The following TUT4 variants were observed in gnomAD, a reference collection of about 807,000 sequenced individuals.
TUT4 encodes terminal uridylyltransferase 4.
A neutral mutation model predicts 192.2 loss-of-function variants in TUT4; 36 were observed. That is an observed-to-expected ratio of 0.19 (90% CI 0.14 to 0.25). The LOEUF is 0.25. Ranked by LOEUF, TUT4 falls within the 10% of genes least tolerant of loss-of-function variation. The pLI, the probability that TUT4 is intolerant of heterozygous loss-of-function variation, is 1.00. For synonymous variants in TUT4, 618 were observed against 666.0 expected, an observed-to-expected ratio of 0.93 and a Z score of 1.11; for missense variants, 1,493 against 1,957.2, an observed-to-expected ratio of 0.76 and a Z score of 4.47.
At chr1:52,518,986 T>C (rs1395476067) in intron 2 of TUT4, among the ~76,000 whole-genome samples, 1 of 152,162 alleles carries the variant, frequency 6.6e-6, no homozygotes, top group African/African-American at 2.4e-5. Context: ...AACTTAAATA[T>C]AGAGTTAGCA....
At chr1:52,545,030 C>G (rs1393578884) in intron 1 of TUT4, among the ~76,000 whole-genome samples, 1 of 147,742 alleles carries the variant, frequency 6.8e-6, no homozygotes, top group East Asian at 2.0e-4. Flanking sequence ...GCACCCCAGC[C>G]TAGGGGACAG....
chr1:52,542,124 G>A (rs767001118), intron 1 of TUT4, among the ~76,000 whole-genome samples: 5 of 152,150 alleles, frequency 3.3e-5, no homozygotes, highest in Non-Finnish European at 7.4e-5. Context: ...CTACTGATAC[G>A]CAGTACCTAC....
intron 27 of TUT4, chr1:52,433,074 T>C (rs544016395): frequency 5.3e-5 from 8 of 152,208 alleles, no homozygotes; most frequent in Admixed American, 1.3e-4. Flanking sequence ...GGCTGTGAGA[T>C]ACTTTTTTTT....
At chr1:52,508,558 C>T (rs1676260848) in intron 4 of TUT4, among the ~76,000 whole-genome samples, 1 of 152,034 alleles carries the variant, frequency 6.6e-6, no homozygotes, top group African/African-American at 2.4e-5. Flanking sequence ...CTAAATATGC[C>T]TTCTAGAACA....
chr1:52,460,390 G>C (rs1325632150), intron 19 of TUT4, among the ~76,000 whole-genome samples: 1 of 152,090 alleles, frequency 6.6e-6, no homozygotes, highest in East Asian at 1.9e-4. Flanking sequence ...GCTGAGGCAG[G>C]AGAATCGCTT....
rs75384089 is a variant in TUT4, at chr1:52,506,637, C to T, written c.999+2959G>A. 5.5e-4 allele frequency among the ~76,000 whole-genome samples: 83 copies of T among 152,208 alleles called. No homozygotes were observed. The East Asian group carries it at 0.016, about 29-fold the overall frequency. On this transcript the variant is annotated intron_variant, in intron 4 of 29. Coordinates refer to ENST00000257177, the MANE Select transcript of TUT4 (RefSeq NM_001009881.3). Reference sequence around the variant, plus strand: ...TTTTAATCTTAGATGTCGTAGTTTTCGTTTCTAATAGTCCTGTTCATATCT... The same window carrying T: ...TTTTAATCTTAGATGTCGTAGTTTTTGTTTCTAATAGTCCTGTTCATATCT...
At chr1:52,475,665 A>C in intron 12 of TUT4, 130 bp from the exon 13 acceptor site, 1 of 803,552 alleles carries the variant, frequency 1.2e-6, no homozygotes. Context: ...TCTAAGCTAG[A>C]CTCCCAGTGA....
Position 52,526,311 on chromosome 1 carries a change from A to G in TUT4, c.-31T>C, listed in dbSNP as rs57766167. On this transcript the variant is annotated 5_prime_UTR_variant, in exon 2 of 30. Transcript: ENST00000257177. ...GAAAATCTGTTTCTTTCCAATTGTG[A>G]TATTATAAAATGGCAGATCTCCAGT... 77,220 of 1,443,606 alleles carry G rather than the reference A, an allele frequency of 0.053. 2,312 individuals carry two copies. Among genetic ancestry groups the G allele is most frequent in the South Asian group, 0.092 (5,549 of 60,636 alleles). The allele number at this position is 1,443,606 out of a possible 1,614,324, so 89.4% of individuals were successfully genotyped here.
intron 4 of TUT4, among the ~76,000 whole-genome samples, chr1:52,501,871 C>T (rs1459305089): frequency 1.3e-5 from 2 of 151,984 alleles, no homozygotes; most frequent in African/African-American, 2.4e-5. Flanking sequence ...ATGTATGATT[C>T]CATTTATATG....
intron 25 of TUT4, 194 bp from the exon 26 acceptor site, chr1:52,437,172 AATATT>A (rs1654042985): frequency 8.2e-6 from 5 of 611,158 alleles, no homozygotes; most frequent in Non-Finnish European, 1.3e-5. Flanking sequence ...TTTGTAAAAC[AATATT>A]ATATTAAATT....
intron 1 of TUT4, among the ~76,000 whole-genome samples, chr1:52,542,863 G>A (rs1211264557): frequency 6.6e-6 from 1 of 151,978 alleles, no homozygotes; most frequent in African/African-American, 2.4e-5. Flanking sequence ...CCAGGTTCAA[G>A]CGATTCTCCT....
intron 9 of TUT4, 121 bp from the exon 10 acceptor site, chr1:52,482,044 G>A: frequency 4.1e-6 from 3 of 731,020 alleles, no homozygotes; most frequent in Non-Finnish European, 3.9e-6. Flanking sequence ...AAAAATATAA[G>A]GAATAACTTG....
At chr1:52,469,751 G>A (rs184384206) in intron 14 of TUT4, among the ~76,000 whole-genome samples, 3,330 of 152,004 alleles carry the variant, frequency 0.022, 106 homozygotes, top group African/African-American at 0.075. Context: ...TTAGCCGGGC[G>A]TGATGGCACG....
chr1:52,530,289 G>GTGTTATGTGTTATGAAAAAGACTGT (rs1683026067), intron 1 of TUT4, among the ~76,000 whole-genome samples: 1 of 150,592 alleles, frequency 6.6e-6, no homozygotes, highest in African/African-American at 2.4e-5. Flanking sequence ...ATTGCTAATA[G>GTGTTATGTGTTATGAAAAAGACTGT]GAATATGTGT....
chr1:52,479,766 G>A (rs1281829220), intron 11 of TUT4, among the ~76,000 whole-genome samples: 2 of 151,984 alleles, frequency 1.3e-5, no homozygotes, highest in Middle Eastern at 3.2e-3. Context: ...AGGCTGAGGC[G>A]GGTGGATCAC....
At position 52,452,600 on chromosome 1, in the gene TUT4, GT is replaced by G. The variant is rs543865163; in HGVS notation, c.3435+5735del. Among the ~76,000 whole-genome samples, 39 of 152,256 alleles carry G rather than the reference GT, an allele frequency of 2.6e-4. 2 individuals carry two copies. In the South Asian group the frequency reaches 6.8e-3, roughly 27 times the overall value. On this transcript the variant is annotated intron_variant, in intron 20 of 29. Transcript: ENST00000257177. Reference sequence around the variant, plus strand: ...ATGAAGCCTCCATAAAAACCCAAAGGTCTCGGTCCAAATAGCTTCTTGATAG... The same window carrying G: ...ATGAAGCCTCCATAAAAACCCAAAGGCTCGGTCCAAATAGCTTCTTGATAG...
chr1:52,464,866 T>C (rs576414589), intron 16 of TUT4: 7 of 411,672 alleles, frequency 1.7e-5, no homozygotes, highest in Admixed American at 4.4e-5. Context: ...TTTTGTATCA[T>C]AAAATTACTG....
chr1:52,425,354 G>GTA lies in TUT4; in HGVS notation c.4863_4864dup (p.Thr1622IlefsTer78). The GTA allele has an allele frequency of 6.2e-7, 1 of 1,613,650 alleles. No individual in the cohort carries two copies. The highest frequency in any genetic ancestry group is 1.1e-5 in the South Asian group (1 of 91,014). On this transcript the variant is annotated frameshift_variant, in exon 29 of 30. Coordinates refer to ENST00000257177, the MANE Select transcript of TUT4 (RefSeq NM_001009881.3). LOFTEE classifies it high-confidence loss of function. ...TAATTTGTAAGCAGTGGTACCTTGA[G>GTA]TATAGAAAGGTTTGTTGGGCTGGAA...
chr1:52,509,238 T>C (rs1676448040), intron 4 of TUT4, among the ~76,000 whole-genome samples: 2 of 152,188 alleles, frequency 1.3e-5, no homozygotes, highest in South Asian at 4.1e-4. Context: ...AAATCTTTAT[T>C]CAACGCATGC....
Sources: allele counts gnomAD v4.1 joint callset (sites outside exome capture counted in the v4.1 genomes callset), GRCh38; gene constraint gnomAD v4.1.1; transcripts MANE v1.5; gene names NCBI Gene and HGNC (gene_info 2026-07-23, HGNC 2026-07-21).